The following RALA variants were observed in gnomAD, a reference collection of about 807,000 sequenced individuals.
The protein encoded by RALA is ras-related protein Ral-A.
Under a neutral mutation model 24.0 loss-of-function variants are expected in RALA, and 5 were observed. The ratio of observed to expected loss-of-function variants is 0.21; its 90% CI spans 0.11 to 0.44. The LOEUF (loss-of-function observed/expected upper bound fraction) is 0.44. Ranked by LOEUF, RALA falls within the 20% of genes least tolerant of loss-of-function variation. The pLI, the probability that RALA is intolerant of heterozygous loss-of-function variation, is 0.99. For missense variants in RALA, 95 were observed against 241.2 expected (o/e 0.39, Z 4.01); for synonymous variants, 77 against 83.8 (o/e 0.92, Z 0.44).
At chr7:39,679,962 G>A (rs1238773110) in intron 1 of RALA, among the ~76,000 whole-genome samples, 2 of 151,772 alleles carry the variant, frequency 1.3e-5, no homozygotes, top group Non-Finnish European at 2.9e-5. Flanking sequence ...CCCTCCCAAA[G>A]TGCTGGAATT....
chr7:39,653,516 T>G (rs954628573), intron 1 of RALA, among the ~76,000 whole-genome samples: 5 of 151,836 alleles, frequency 3.3e-5, no homozygotes, highest in African/African-American at 7.2e-5. Flanking sequence ...TTAGTAGAGA[T>G]GAGACCTTGC....
chr7:39,692,398 C>G (rs1006149857), intron 3 of RALA, among the ~76,000 whole-genome samples: 1 of 152,118 alleles, frequency 6.6e-6, no homozygotes, highest in African/African-American at 2.4e-5. Context: ...AAACATTTGT[C>G]TTGATTCAAA....
At chr7:39,695,691 ACTGCACCTGG>A (rs1177924756) in intron 3 of RALA, among the ~76,000 whole-genome samples, 3 of 152,138 alleles carry the variant, frequency 2.0e-5, no homozygotes. Flanking sequence ...GGTATGAGCC[ACTGCACCTGG>A]CTGTTTTTGG....
At chr7:39,662,540 C>T (rs1377107182) in intron 1 of RALA, among the ~76,000 whole-genome samples, 1 of 152,188 alleles carries the variant, frequency 6.6e-6, no homozygotes, top group African/African-American at 2.4e-5. Flanking sequence ...CCACAGATCT[C>T]TAGTTCAGGG....
intron 1 of RALA, among the ~76,000 whole-genome samples, chr7:39,677,323 C>G (rs190053360): frequency 6.6e-6 from 1 of 150,774 alleles, no homozygotes; most frequent in African/African-American, 2.4e-5. Context: ...TTTGTTCTTG[C>G]GATAGTTTAC....
intron 1 of RALA, among the ~76,000 whole-genome samples, chr7:39,674,865 C>T (rs1427702889): frequency 1.4e-5 from 2 of 140,952 alleles, no homozygotes; most frequent in Non-Finnish European, 3.0e-5. Flanking sequence ...CCTCTGTTGC[C>T]CAGGCTGGAG....
intron 2 of RALA, among the ~76,000 whole-genome samples, chr7:39,687,418 C>T (rs1264480982): frequency 6.6e-6 from 1 of 150,386 alleles, no homozygotes; most frequent in Non-Finnish European, 1.5e-5. Context: ...CAGAGCAAGA[C>T]TCCATCCCAA....
At chr7:39,694,725 T>C (rs1301003957) in intron 3 of RALA, among the ~76,000 whole-genome samples, 1 of 151,968 alleles carries the variant, frequency 6.6e-6, no homozygotes, top group South Asian at 2.1e-4. Flanking sequence ...AAGAAGATTT[T>C]TCCCAGTTTT....
Position 39,654,366 on chromosome 7 carries a change from C to T in RALA, c.-38+30541C>T, listed in dbSNP as rs538304577. On this transcript the variant is annotated intron_variant, in intron 1 of 4. Transcript: ENST00000005257. ...TGTTTGAATTCTTTGATGGGGCTTA[C>T]AGACAGTTTATTCCAGTTTTTACAG... Among the ~76,000 whole-genome samples, 4 of 152,226 alleles carry T rather than the reference C, an allele frequency of 2.6e-5. No homozygotes were observed. In the East Asian group the frequency reaches 7.7e-4, roughly 29 times the overall value.
intron 1 of RALA, among the ~76,000 whole-genome samples, chr7:39,677,018 GGT>G (rs1792498892): frequency 6.6e-6 from 1 of 152,200 alleles, no homozygotes; most frequent in Admixed American, 6.5e-5. Context: ...TGGATCATCT[GGT>G]TGGGCCAAAT....
rs200781570 is a variant in RALA, at chr7:39,674,050, T to A, written c.-37-12581T>A. On this transcript the variant is annotated intron_variant, in intron 1 of 4. Transcript: ENST00000005257. ...ACTACAGGCATGCACTGTAAATAAA[T>A]AAATAAATAAATAAATAAATAAATA... Among the ~76,000 whole-genome samples the A allele has an allele frequency of 4.9e-3, 287 of 58,832 alleles. 1 individual carries two copies. The highest frequency in any genetic ancestry group is 0.022 in the Admixed American group (88 of 4,034). The allele number at this position is 58,832 out of a possible 152,430, so 38.6% of individuals were successfully genotyped here.
At chr7:39,666,798 G>A (rs1792293364) in intron 1 of RALA, among the ~76,000 whole-genome samples, 1 of 152,152 alleles carries the variant, frequency 6.6e-6, no homozygotes, top group Admixed American at 6.5e-5. Flanking sequence ...AAGGTTAATT[G>A]GCACAAAGGG....
At chr7:39,684,535 A>G (rs1374941884) in intron 1 of RALA, among the ~76,000 whole-genome samples, 1 of 152,056 alleles carries the variant, frequency 6.6e-6, no homozygotes. Flanking sequence ...TATGTGAGGC[A>G]CAGACCCATG....
intron 1 of RALA, among the ~76,000 whole-genome samples, chr7:39,649,372 A>G (rs1209754010): frequency 2.0e-5 from 3 of 152,206 alleles, no homozygotes; most frequent in African/African-American, 7.2e-5. Flanking sequence ...GTTGCCTCCA[A>G]AATTCATGTT....
At position 39,676,373 on chromosome 7, in the gene RALA, T is replaced by C. The variant is rs1651573825; in HGVS notation, c.-37-10258T>C. On this transcript the variant is annotated intron_variant, in intron 1 of 4. Coordinates refer to ENST00000005257, the MANE Select transcript of RALA (RefSeq NM_005402.4). Reference sequence around the variant, plus strand: ...GACTCTCACAACTTTTACCAGCCAATATTTTTATTAGACTGAAGCCTAAAA... The same window carrying C: ...GACTCTCACAACTTTTACCAGCCAACATTTTTATTAGACTGAAGCCTAAAA... Among the ~76,000 whole-genome samples the C allele has an allele frequency of 2.0e-5, 3 of 152,322 alleles. No homozygotes were observed. The South Asian group carries it at 6.2e-4, about 32-fold the overall frequency.
chr7:39,656,538 T>C (rs1164916020), intron 1 of RALA, among the ~76,000 whole-genome samples: 1 of 152,226 alleles, frequency 6.6e-6, no homozygotes, highest in Non-Finnish European at 1.5e-5. Flanking sequence ...GAATGCCTTG[T>C]TGTTAAGAGT....
chr7:39,698,492 G>A (rs11972177), intron 4 of RALA, among the ~76,000 whole-genome samples: 3 of 152,252 alleles, frequency 2.0e-5, no homozygotes, highest in African/African-American at 7.2e-5. Context: ...TAAGTCATTA[G>A]AAAATTATAG....
intron 3 of RALA, among the ~76,000 whole-genome samples, chr7:39,692,671 G>A (rs1302486568): frequency 6.6e-6 from 1 of 152,140 alleles, no homozygotes; most frequent in African/African-American, 2.4e-5. Context: ...TTCTACAGCC[G>A]TGTTTCTGCC....
At chr7:39,699,314 G>A (rs1792980278) in intron 4 of RALA, among the ~76,000 whole-genome samples, 1 of 149,956 alleles carries the variant, frequency 6.7e-6, no homozygotes, top group Non-Finnish European at 1.5e-5. Flanking sequence ...CTAATTTTTT[G>A]TATTTTTAGT....
Sources: gnomAD v4.1 joint callset for allele counts (sites outside exome capture counted in the v4.1 genomes callset) on GRCh38, gnomAD v4.1.1 for gene constraint, MANE v1.5 for transcripts, NCBI Gene and HGNC (gene_info 2026-07-23, HGNC 2026-07-21) for gene names.